Variants in MASP2 observed in about 807,000 individuals in gnomAD.
MASP2 encodes the protein MBL associated serine protease 2.
MASP2 carries 49 observed loss-of-function variants against 57.1 expected under a neutral mutation model. That is an observed-to-expected ratio of 0.86 (90% CI 0.68 to 1.09). The LOEUF (loss-of-function observed/expected upper bound fraction) is 1.09. MASP2 is among the 50% of genes least tolerant of loss of function. The pLI, the probability that MASP2 is intolerant of heterozygous loss-of-function variation, is 0.00. For missense variants in MASP2, 900 were observed against 874.8 expected, an observed-to-expected ratio of 1.03 and a Z score of -0.36; for synonymous variants, 379 against 340.8, an observed-to-expected ratio of 1.11 and a Z score of -1.24.
intron 8 of MASP2, among the ~76,000 whole-genome samples, chr1:11,031,318 T>TG (rs1643840352): frequency 6.6e-6 from 1 of 151,180 alleles, no homozygotes; most frequent in South Asian, 2.1e-4. Flanking sequence ...GGTCAGGAGA[T>TG]GGAGACCATC....
At chr1:11,045,819 A>T (rs892614206) in intron 3 of MASP2, 3 of 499,564 alleles carry the variant, frequency 6.0e-6, no homozygotes, top group African/African-American at 5.8e-5. Context: ...AGTCAATCAA[A>T]CCCAGGGGGC....
intron 6 of MASP2, among the ~76,000 whole-genome samples, chr1:11,039,418 G>T (rs904058270): frequency 6.7e-6 from 1 of 149,398 alleles, no homozygotes; most frequent in Non-Finnish European, 1.5e-5. Context: ...AGAAGGATGG[G>T]TGTATGGATA....
chr1:11,030,924 C>T (rs1345987714), intron 8 of MASP2, 42 bp from the exon 9 acceptor site: 1 of 1,594,948 alleles, frequency 6.3e-7, no homozygotes, highest in South Asian at 1.1e-5. Context: ...TTGATCATTT[C>T]AGTGCTAACT....
chr1:11,045,374 G>A, intron 4 of MASP2, 34 bp downstream of exon 4: 1 of 1,611,886 alleles, frequency 6.2e-7, no homozygotes, highest in Non-Finnish European at 8.5e-7. Flanking sequence ...TATCCCAGGA[G>A]AGGGTGCGTT....
rs796583650 is a variant in MASP2, at chr1:11,033,965, A to ACT, written c.1087+861_1087+862dup. Among the ~76,000 whole-genome samples the ACT allele has an allele frequency of 7.9e-3, 122 of 15,460 alleles. 1 individual carries two copies. The highest frequency in any genetic ancestry group is 0.033 in the Middle Eastern group (1 of 30). 10.1% of individuals were successfully genotyped at this position (15,460 alleles called of 152,430 possible). The stretch of plus-strand genomic sequence containing the variant: ...CACACACACACACACACACACACAC[A>ACT]CTCTCTCTCTCTCTCTCTCTCACAC... On this transcript the variant is annotated intron_variant, in intron 8 of 10. Transcript: ENST00000400897.
At chr1:11,031,789 C>T (rs551595073) in intron 8 of MASP2, among the ~76,000 whole-genome samples, 20 of 151,056 alleles carry the variant, frequency 1.3e-4, no homozygotes, top group African/African-American at 4.6e-4. Context: ...GGCTTGGTGG[C>T]GTGGTCTCAG....
At chr1:11,045,031 C>T (rs371121224) in intron 4 of MASP2, 1 of 1,402,956 alleles carries the variant, frequency 7.1e-7, no homozygotes, top group Admixed American at 1.8e-5. Flanking sequence ...TCAGCGCCAG[C>T]AGGTGGGGCT....
chr1:11,027,697 G>T lies in MASP2; in HGVS notation c.1298-49C>A, dbSNP rs777536739. 10 of 1,524,582 alleles carry T rather than the reference G, an allele frequency of 6.6e-6. 1 individual carries two copies. In the South Asian group the frequency reaches 9.1e-5, roughly 14 times the overall value. 94.4% of individuals were successfully genotyped at this position (1,524,582 alleles called of 1,614,324 possible). Reference sequence around the variant, plus strand: ...GAGAGCCTTTGTAAAAATGTCAATCGTGTTTTTCTTAAATTATGACCGCCT... The same window carrying T: ...GAGAGCCTTTGTAAAAATGTCAATCTTGTTTTTCTTAAATTATGACCGCCT... On this transcript the variant is annotated intron_variant, in intron 10 of 10. Coordinates refer to ENST00000400897, the MANE Select transcript of MASP2 (RefSeq NM_006610.4).
In MASP2 at chr1:11,027,555, C is replaced by T. The variant is rs150524896; in HGVS notation, c.1391G>A (p.Gly464Asp). Residue 464 changes from glycine to aspartate, a missense_variant, in exon 11 of 11, where the codon GGT (glycine) becomes GAT (aspartate). Gly to Asp is a moderately conservative substitution (Grantham distance 94, BLOSUM62 -1). Coordinates refer to ENST00000400897, the MANE Select transcript of MASP2 (RefSeq NM_006610.4). The stretch of plus-strand genomic sequence containing the variant: ...AAGTGCACCTGCTGCTGTGGTTCCA[C>T]CTAATATCAGGACTTGCCAAGGAAA... ...GDFPWQVLIL[G>D]GTTAAGALLY... The T allele has an allele frequency of 4.8e-5, 78 of 1,614,140 alleles. No individual in the cohort carries two copies. The highest frequency in any genetic ancestry group is 8.9e-5 in the East Asian group (4 of 44,878).
intron 6 of MASP2, among the ~76,000 whole-genome samples, chr1:11,040,810 G>A (rs1263242870): frequency 6.6e-6 from 1 of 150,720 alleles, no homozygotes; most frequent in Non-Finnish European, 1.5e-5. Flanking sequence ...AGAAAGATGG[G>A]TAGGTAGAAG....
chr1:11,037,751 T>C lies in MASP2; in HGVS notation c.950A>G (p.Lys317Arg). 1 of 1,613,342 alleles carries C rather than the reference T, an allele frequency of 6.2e-7. No individual in the cohort carries two copies. Residue 317 changes from lysine to arginine, a missense_variant, in exon 7 of 11, where the codon AAA (lysine) becomes AGA (arginine). By Grantham distance (26) the Lys-to-Arg change is conservative. Coordinates refer to ENST00000400897, the MANE Select transcript of MASP2 (RefSeq NM_006610.4). The part of the protein sequence containing the change: ...PNGHVSPVQA[K>R]YILKDSFSIF... ...GGAGAAGCTGTCTTTCAGGATGTAT[T>C]TGGCTTGCACAGGTGAAACGTGGCC...
At chr1:11,043,141 G>T in intron 5 of MASP2, 119 bp from the exon 6 acceptor site, 2 of 1,182,042 alleles carry the variant, frequency 1.7e-6, no homozygotes, top group Non-Finnish European at 2.4e-6. Context: ...CCAGGCCATG[G>T]ATTGGGGTGC....
Position 11,030,749 on chromosome 1 carries a change from A to C in MASP2, c.1221T>G (p.Asp407Glu). The C allele has an allele frequency of 1.2e-6, 2 of 1,600,680 alleles. No individual in the cohort carries two copies. Among genetic ancestry groups the C allele is most frequent in the Non-Finnish European group, 1.7e-6 (2 of 1,175,652 alleles). Residue 407 changes from aspartate to glutamate, a missense_variant and splice_region_variant, in exon 9 of 11, where the codon GAT becomes GAG. Asp to Glu is a conservative substitution (Grantham distance 45, BLOSUM62 2). Coordinates refer to ENST00000400897, the MANE Select transcript of MASP2 (RefSeq NM_006610.4). ...EETFYTMKVN[D>E]GKYVCEADGF... ...CCCAACTTTGAAGAATTTGCATACC[A>C]TCATTCACTTTCATTGTGTAGAAGG...
Position 11,042,892 on chromosome 1 carries a change from A to T in MASP2, c.872T>A (p.Ile291Asn). The change falls in exon 6 of 11, where the codon ATC (isoleucine) becomes AAC (asparagine). Residue 291 changes from isoleucine (I) to asparagine (N), a missense_variant. Transcript: ENST00000400897. ...TTGCTCACCTGTGCTCGTGTAGTGG[A>T]TCTTCCAGCCTGTGTGGTCTCCTGA... ...DESGDHTGWK[I>N]HYTSTAQPCP... is the part of the protein sequence containing the mutation. 1.9e-6 allele frequency: 3 copies of T among 1,613,892 alleles called. No homozygotes were observed. Among genetic ancestry groups the T allele is most frequent in the Non-Finnish European group, 2.5e-6 (3 of 1,179,898 alleles).
intron 3 of MASP2, 140 bp downstream of exon 3, chr1:11,046,416 T>C (rs1284896739): frequency 1.1e-6 from 1 of 911,516 alleles, no homozygotes; most frequent in Non-Finnish European, 1.7e-6. Context: ...CTTTGCATTG[T>C]GGATGATGTC....
chr1:11,036,529 A>AC (rs1638241865), intron 7 of MASP2, among the ~76,000 whole-genome samples: 2 of 141,490 alleles, frequency 1.4e-5, no homozygotes, highest in East Asian at 1.9e-4. Context: ...AAAAAAAAAA[A>AC]AAAAAAAACA....
intron 8 of MASP2, among the ~76,000 whole-genome samples, chr1:11,031,289 C>T (rs1643839709): frequency 2.0e-5 from 3 of 150,398 alleles, no homozygotes; most frequent in Admixed American, 6.6e-5. Flanking sequence ...TTTGGGAGGC[C>T]GAGGCGGGCA....
At position 11,045,488 on chromosome 1, in the gene MASP2, T is replaced by G; in HGVS notation, c.464A>C (p.His155Pro). 1 of 1,612,010 alleles carries G rather than the reference T, an allele frequency of 6.2e-7. No homozygotes were observed. The change falls in exon 4 of 11, where the codon CAC becomes CCC. Residue 155 changes from histidine (H) to proline (P), a missense_variant. Physicochemically the swap from His to Pro is moderately conservative, Grantham distance 77. Coordinates refer to ENST00000400897, the MANE Select transcript of MASP2 (RefSeq NM_006610.4). Reference protein sequence around the residue: ...APGEAPTCDHHCHNHLGGFYC... With the variant: ...APGEAPTCDHPCHNHLGGFYC... ...GAAACCGCCCAGGTGGTTGTGGCAG[T>G]GGTGGTCGCAGGTGGGCGCCTCTCC...
intron 6 of MASP2, among the ~76,000 whole-genome samples, chr1:11,039,363 TGG>T (rs1638344620): frequency 6.9e-6 from 1 of 144,240 alleles, no homozygotes; most frequent in Non-Finnish European, 1.5e-5. Context: ...GATGGATGGA[TGG>T]ATGGATGGAT....
Sources: gnomAD v4.1 joint callset for allele counts (sites outside exome capture counted in the v4.1 genomes callset) on GRCh38, gnomAD v4.1.1 for gene constraint, MANE v1.5 for transcripts, NCBI Gene and HGNC (gene_info 2026-07-23, HGNC 2026-07-21) for gene names.